The following MEOX2 variants were observed in gnomAD, a reference collection of about 807,000 sequenced individuals.
MEOX2 encodes the protein homeobox protein MOX-2.
A neutral mutation model predicts 27.0 loss-of-function variants in MEOX2; 11 were observed. The observed-to-expected ratio is 0.41, with a 90% CI of 0.26 to 0.68. The LOEUF (loss-of-function observed/expected upper bound fraction) is 0.68, where lower values mean the gene tolerates loss of function less well. Among genes scored for constraint, MEOX2 ranks in the 30% least tolerant of loss-of-function variants. The probability of loss-of-function intolerance (pLI) is 0.33; values close to 1 mark genes in which losing one functional copy is unlikely to be tolerated. For missense variants in MEOX2, 436 were observed against 385.4 expected, an observed-to-expected ratio of 1.13 and a Z score of -1.10; for synonymous variants, 189 against 155.4, an observed-to-expected ratio of 1.22 and a Z score of -1.61.
At chr7:15,674,914 A>T (rs1782168198) in intron 1 of MEOX2, among the ~76,000 whole-genome samples, 1 of 152,160 alleles carries the variant, frequency 6.6e-6, no homozygotes, top group South Asian at 2.1e-4. Flanking sequence ...AGACTATATT[A>T]AATTTTTTAA....
chr7:15,628,852 G>A (rs192787026), intron 1 of MEOX2, among the ~76,000 whole-genome samples: 101 of 152,160 alleles, frequency 6.6e-4, no homozygotes, highest in Non-Finnish European at 5.1e-4. Context: ...TTTTCCGTGG[G>A]CTGTTCTTGC....
At chr7:15,652,188 T>G (rs568175706) in intron 1 of MEOX2, among the ~76,000 whole-genome samples, 3 of 152,200 alleles carry the variant, frequency 2.0e-5, no homozygotes, top group South Asian at 4.1e-4. Flanking sequence ...TGCAGTAACA[T>G]GCTTTTACTG....
chr7:15,642,087 T>C (rs1781570895), intron 1 of MEOX2, among the ~76,000 whole-genome samples: 1 of 152,204 alleles, frequency 6.6e-6, no homozygotes, highest in Non-Finnish European at 1.5e-5. Flanking sequence ...ACTATATGCC[T>C]TGTTGATGTT....
At chr7:15,645,726 C>T (rs1003447153) in intron 1 of MEOX2, among the ~76,000 whole-genome samples, 1 of 152,072 alleles carries the variant, frequency 6.6e-6, no homozygotes, top group Non-Finnish European at 1.5e-5. Flanking sequence ...TTTTTAAGTA[C>T]TGGACAATGA....
intron 1 of MEOX2, among the ~76,000 whole-genome samples, chr7:15,649,923 C>G (rs1490510707): frequency 1.3e-5 from 2 of 152,012 alleles, no homozygotes; most frequent in Non-Finnish European, 2.9e-5. Context: ...CCATATTAAG[C>G]CAACGCTGTA....
chr7:15,668,943 C>A (rs1782053817), intron 1 of MEOX2, among the ~76,000 whole-genome samples: 1 of 152,180 alleles, frequency 6.6e-6, no homozygotes, highest in African/African-American at 2.4e-5. Flanking sequence ...CAAACTATTT[C>A]TTCTAAGTGG....
intron 1 of MEOX2, among the ~76,000 whole-genome samples, chr7:15,631,932 G>GTGTGTGTGT (rs371386224): frequency 2.0e-5 from 3 of 149,838 alleles, no homozygotes; most frequent in Non-Finnish European, 3.0e-5. Context: ...GTGTGTGTGT[G>GTGTGTGTGT]GAGAGAAAGA....
chr7:15,644,383 C>T (rs534356584), intron 1 of MEOX2, among the ~76,000 whole-genome samples: 1 of 152,268 alleles, frequency 6.6e-6, no homozygotes, highest in Non-Finnish European at 1.5e-5. Context: ...TCTTTTACCC[C>T]TTATGATAGA....
intron 1 of MEOX2, among the ~76,000 whole-genome samples, chr7:15,670,370 T>C (rs1208835352): frequency 1.3e-5 from 2 of 152,242 alleles, no homozygotes; most frequent in African/African-American, 4.8e-5. Context: ...CTTCAACTTT[T>C]CATTGTAATT....
chr7:15,612,812 G>A (rs370310029), intron 2 of MEOX2, among the ~76,000 whole-genome samples: 5 of 152,064 alleles, frequency 3.3e-5, no homozygotes, highest in Non-Finnish European at 7.3e-5. Context: ...GTTTCAAAAG[G>A]TGCATACAAA....
rs757023123 is a variant in MEOX2 at position 15,685,881 on chromosome 7, C to G, written c.517+5G>C. On this transcript the variant is annotated splice_donor_5th_base_variant and intron_variant, in intron 1 of 2. Coordinates refer to ENST00000262041, the MANE Select transcript of MEOX2 (RefSeq NM_005924.5). ...CACTCTCGAGGGTGCCTGGCGCGCCCTTACCTGAGCTGTCGCTTTTCCTCT... is the reference window on the plus strand; with the variant it reads ...CACTCTCGAGGGTGCCTGGCGCGCCGTTACCTGAGCTGTCGCTTTTCCTCT... 2.5e-6 allele frequency: 4 copies of G among 1,587,148 alleles called. No individual in the cohort carries two copies. Among genetic ancestry groups the G allele is most frequent in the South Asian group, 1.2e-5 (1 of 86,590 alleles).
chr7:15,657,142 A>G (rs1233702139), intron 1 of MEOX2, among the ~76,000 whole-genome samples: 3 of 152,116 alleles, frequency 2.0e-5, no homozygotes, highest in African/African-American at 7.2e-5. Flanking sequence ...AGTTTTCAGA[A>G]GTTTGACTGT....
chr7:15,684,978 C>A (rs967432346), intron 1 of MEOX2, among the ~76,000 whole-genome samples: 60 of 152,246 alleles, frequency 3.9e-4, no homozygotes, highest in African/African-American at 1.4e-3. Context: ...GAAGGTTCCC[C>A]TTTTGCATGG....
rs528611043 is a variant in MEOX2, at chr7:15,651,208, T to C, written c.518-24290A>G. On this transcript the variant is annotated intron_variant, in intron 1 of 2. Transcript: ENST00000262041. ...AATGTCTAACTTTGGTATGTATAAA[T>C]GAAATGTGATATACTTTCCCTCAAT... 1.5e-4 allele frequency among the ~76,000 whole-genome samples: 23 copies of C among 152,122 alleles called. 1 individual carries two copies. Among genetic ancestry groups the C allele is most frequent in the Admixed American group, 4.6e-4 (7 of 15,260 alleles).
chr7:15,686,303 C>G lies in MEOX2; in HGVS notation c.100G>C (p.Asp34His), dbSNP rs1325793804. Residue 34 changes from aspartate (D) to histidine (H), a missense_variant, in exon 1 of 3, where the codon GAC becomes CAC. Transcript: ENST00000262041. Reference protein sequence around the residue: ...QSSLALHGRSDHMSYPELSTS... With the variant: ...QSSLALHGRSHHMSYPELSTS... ...GAGAGCTCGGGGTAAGACATATGGT[C>G]AGATCTTCCATGGAGGGCGAGAGAG... is the stretch of plus-strand genomic sequence containing the variant. 1 of 1,610,548 alleles carries G rather than the reference C, an allele frequency of 6.2e-7. No homozygotes were observed. The highest frequency in any genetic ancestry group is 1.7e-5 in the Admixed American group (1 of 59,530).
intron 1 of MEOX2, among the ~76,000 whole-genome samples, chr7:15,671,830 G>A (rs1353721017): frequency 6.6e-6 from 1 of 152,136 alleles, no homozygotes; most frequent in Non-Finnish European, 1.5e-5. Context: ...ACCACGAAGT[G>A]CTTATCACTT....
intron 1 of MEOX2, among the ~76,000 whole-genome samples, chr7:15,632,571 A>T (rs1288957084): frequency 6.6e-6 from 1 of 151,908 alleles, no homozygotes; most frequent in Non-Finnish European, 1.5e-5. Flanking sequence ...AACAAATTTT[A>T]ACAAAATTAA....
intron 1 of MEOX2, among the ~76,000 whole-genome samples, chr7:15,662,732 C>G (rs1781937378): frequency 6.6e-6 from 1 of 152,144 alleles, no homozygotes; most frequent in Non-Finnish European, 1.5e-5. Flanking sequence ...TTTAAAAGTG[C>G]AGTGACTGGG....
chr7:15,623,024 A>G (rs1451872790), intron 2 of MEOX2, among the ~76,000 whole-genome samples: 1 of 152,202 alleles, frequency 6.6e-6, no homozygotes, highest in Non-Finnish European at 1.5e-5. Flanking sequence ...CCCATCCTCC[A>G]GAACTGTGAG....
Sources: allele counts gnomAD v4.1 joint callset (sites outside exome capture counted in the v4.1 genomes callset), GRCh38; gene constraint gnomAD v4.1.1; transcripts MANE v1.5; gene names NCBI Gene and HGNC (gene_info 2026-07-23, HGNC 2026-07-21).